Variants in GNAO1 observed in about 807,000 individuals in gnomAD.
GNAO1 encodes guanine nucleotide-binding protein G(o) subunit alpha.
For synonymous variants in GNAO1, 164 were observed against 180.7 expected (o/e 0.91, Z 0.74); for missense variants, 166 against 478.7 (o/e 0.35, Z 6.10).
intron 6 of GNAO1, chr16:56,344,346 G>A: frequency 4.7e-6 from 5 of 1,055,186 alleles, no homozygotes; most frequent in Non-Finnish European, 5.7e-6. Flanking sequence ...CCTGCAGCAG[G>A]GTGCTGGCAG....
intron 2 of GNAO1, among the ~76,000 whole-genome samples, chr16:56,241,656 A>C (rs932040111): frequency 5.3e-5 from 8 of 152,250 alleles, no homozygotes; most frequent in Non-Finnish European, 7.3e-5. Flanking sequence ...TAAACTACCA[A>C]GCAAATGAAG....
Position 56,351,607 on chromosome 16 carries a change from C to T in GNAO1, c.877+70C>T. ...AGGGACCCATGGCTCAGAGAACAGG[C>T]TGCTCGGCCAGCACTGCTGGGGCTA... On this transcript the variant is annotated intron_variant, in intron 7 of 8. Coordinates refer to ENST00000262493, the MANE Select transcript of GNAO1 (RefSeq NM_020988.3). This position sits in a 1 kb window ranked among gnomAD's most constrained non-coding sequence, Gnocchi z 6.1. 1 of 1,283,912 alleles carries T rather than the reference C, an allele frequency of 7.8e-7. No homozygotes were observed. The highest frequency in any genetic ancestry group is 1.1e-6 in the Non-Finnish European group (1 of 900,790). The allele number at this position is 1,283,912 out of a possible 1,614,324, so 79.5% of individuals were successfully genotyped here.
At chr16:56,241,460 C>T (rs193275059) in intron 2 of GNAO1, among the ~76,000 whole-genome samples, 10 of 152,250 alleles carry the variant, frequency 6.6e-5, no homozygotes, top group Admixed American at 5.9e-4. Context: ...ACTAGAACAG[C>T]TTAATATCCC....
At chr16:56,288,006 G>A (rs530969474) in intron 3 of GNAO1, among the ~76,000 whole-genome samples, 13 of 152,300 alleles carry the variant, frequency 8.5e-5, no homozygotes, top group African/African-American at 3.1e-4. Flanking sequence ...AGTAAATGCT[G>A]CTGAAATGGC....
chr16:56,309,526 A>G (rs2037433419), intron 3 of GNAO1, among the ~76,000 whole-genome samples: 1 of 152,190 alleles, frequency 6.6e-6, no homozygotes, highest in Admixed American at 6.5e-5. Context: ...ACAAGGACAG[A>G]GAAGGGAGCA....
chr16:56,258,857 G>A (rs2036877562), intron 2 of GNAO1, among the ~76,000 whole-genome samples: 1 of 152,346 alleles, frequency 6.6e-6, no homozygotes, highest in South Asian at 2.1e-4. Context: ...AGAACTTTCA[G>A]TCTGAAGTTA....
At chr16:56,252,217 T>A (rs572196355) in intron 2 of GNAO1, among the ~76,000 whole-genome samples, 1 of 152,328 alleles carries the variant, frequency 6.6e-6, no homozygotes, top group South Asian at 2.1e-4. Flanking sequence ...TCCTCTTGGT[T>A]ATTAGTCTCT....
At position 56,192,328 on chromosome 16, in the gene GNAO1, C is replaced by T; in HGVS notation, c.93C>T (p.Ala31=). 6.2e-7 allele frequency: 1 copy of T among 1,606,184 alleles called. No homozygotes were observed. The highest frequency in any genetic ancestry group is 8.5e-7 in the Non-Finnish European group (1 of 1,173,712). The change falls in exon 1 of 9, where the codon GCC becomes GCT. Residue 31 remains alanine (A), a synonymous_variant. Coordinates refer to ENST00000262493, the MANE Select transcript of GNAO1 (RefSeq NM_020988.3). ...KNLKEDGISA[A]KDVKLLLLGA... ...TCAAAGAGGATGGCATCAGCGCCGCCAAAGACGTGAAATTACTCCTGCTCG... is the reference window on the plus strand; with the variant it reads ...TCAAAGAGGATGGCATCAGCGCCGCTAAAGACGTGAAATTACTCCTGCTCG...
At chr16:56,208,940 C>T (rs1416377063) in intron 2 of GNAO1, among the ~76,000 whole-genome samples, 1 of 151,880 alleles carries the variant, frequency 6.6e-6, no homozygotes, top group African/African-American at 2.4e-5. Flanking sequence ...TGTCTTTTCA[C>T]TTTGTTAATG....
intron 2 of GNAO1, among the ~76,000 whole-genome samples, chr16:56,205,378 G>C (rs1173942213): frequency 6.6e-6 from 1 of 152,206 alleles, no homozygotes; most frequent in Non-Finnish European, 1.5e-5. Context: ...AGAGCTGGAG[G>C]GACCCATGCA....
chr16:56,206,321 AT>A (rs1353193499), intron 2 of GNAO1, among the ~76,000 whole-genome samples: 2 of 141,592 alleles, frequency 1.4e-5, no homozygotes, highest in African/African-American at 5.5e-5. Flanking sequence ...CTCCATCTCA[AT>A]TTAAAAAAAA....
At chr16:56,333,276 G>A (rs574943609) in intron 4 of GNAO1, among the ~76,000 whole-genome samples, 13 of 148,514 alleles carry the variant, frequency 8.8e-5, no homozygotes, top group Non-Finnish European at 1.8e-4. Context: ...ACAGTGGCAC[G>A]ATCTCAACTC....
chr16:56,253,565 G>A (rs760583505), intron 2 of GNAO1, among the ~76,000 whole-genome samples: 2 of 152,232 alleles, frequency 1.3e-5, no homozygotes, highest in Non-Finnish European at 2.9e-5. Context: ...CCTGTGGGGC[G>A]GGTGTTGGTC....
intron 2 of GNAO1, among the ~76,000 whole-genome samples, chr16:56,216,842 G>A (rs1383519357): frequency 6.6e-6 from 1 of 152,218 alleles, no homozygotes; most frequent in Non-Finnish European, 1.5e-5. Context: ...CCACTTAACA[G>A]CTGTGGGACC....
At chr16:56,341,876 G>A (rs2037807909) in intron 6 of GNAO1, among the ~76,000 whole-genome samples, 1 of 152,202 alleles carries the variant, frequency 6.6e-6, no homozygotes, top group Non-Finnish European at 1.5e-5. Context: ...GAGAAGTGGG[G>A]CACCCTCAGC....
intron 2 of GNAO1, among the ~76,000 whole-genome samples, chr16:56,206,622 G>A (rs946179747): frequency 1.3e-5 from 2 of 152,274 alleles, no homozygotes; most frequent in East Asian, 3.9e-4. Context: ...ACACTACTGT[G>A]TATGTTTATC....
chr16:56,229,319 C>T (rs2036565469), intron 2 of GNAO1, among the ~76,000 whole-genome samples: 1 of 152,198 alleles, frequency 6.6e-6, no homozygotes, highest in African/African-American at 2.4e-5. Context: ...ATTCTCGTGC[C>T]TCAGCCTCCT....
At chr16:56,294,988 A>AT (rs1460451484) in intron 3 of GNAO1, among the ~76,000 whole-genome samples, 12 of 152,134 alleles carry the variant, frequency 7.9e-5, no homozygotes, top group East Asian at 3.9e-4. Context: ...GAGTTTTAAG[A>AT]TTTTTTTAAT....
intron 2 of GNAO1, among the ~76,000 whole-genome samples, chr16:56,246,022 A>T (rs1319525254): frequency 6.6e-6 from 1 of 152,156 alleles, no homozygotes; most frequent in Non-Finnish European, 1.5e-5. Context: ...CCCAGCTGAG[A>T]TCTCTGCAGG....
Sources: gnomAD v4.1 joint callset for allele counts (sites outside exome capture counted in the v4.1 genomes callset) on GRCh38, gnomAD v4.1.1 for gene constraint, Gnocchi (gnomAD v3.1) non-coding constraint, MANE v1.5 for transcripts, NCBI Gene and HGNC (gene_info 2026-07-23, HGNC 2026-07-21) for gene names.